The following SCN1A variants were observed in gnomAD, a reference collection of about 807,000 sequenced individuals.
SCN1A encodes the protein sodium voltage-gated channel alpha subunit 1.
SCN1A carries 13 observed loss-of-function variants against 193.7 expected under a neutral mutation model. That is an observed-to-expected ratio of 0.07 (90% confidence interval 0.04 to 0.11). The LOEUF (loss-of-function observed/expected upper bound fraction) is 0.11. SCN1A is among the 10% of genes least tolerant of loss of function. SCN1A has a pLI of 1.00. For synonymous variants in SCN1A, 781 were observed against 843.6 expected, an observed-to-expected ratio of 0.93 and a Z score of 1.29; for missense variants, 1,432 against 2,451.1, an observed-to-expected ratio of 0.58 and a Z score of 8.78.
intron 23 of SCN1A, among the ~76,000 whole-genome samples, chr2:166,003,295 G>T (rs747326505): frequency 1.3e-5 from 2 of 151,360 alleles, no homozygotes; most frequent in Non-Finnish European, 3.0e-5. Context: ...AATAATTTTT[G>T]CATAAGAAGC....
intron 19 of SCN1A, among the ~76,000 whole-genome samples, chr2:166,028,384 T>C (rs944708228): frequency 1.3e-5 from 2 of 152,170 alleles, no homozygotes; most frequent in South Asian, 2.1e-4. Context: ...GCTTCTATAA[T>C]GTTATTTTGA....
intron 2 of SCN1A, among the ~76,000 whole-genome samples, chr2:166,097,020 T>C (rs1421951053): frequency 1.3e-5 from 2 of 151,546 alleles, no homozygotes; most frequent in African/African-American, 4.9e-5. Flanking sequence ...GTTTTTTTTG[T>C]TTTTGTTTTT....
chr2:166,128,847 A>G (rs1691509688), upstream of SCN1A, among the ~76,000 whole-genome samples: 1 of 152,136 alleles, frequency 6.6e-6, no homozygotes, highest in South Asian at 2.1e-4. Flanking sequence ...TTCTAAGACA[A>G]TAAAAATCCA....
At chr2:166,105,970 G>A (rs1218282809) in intron 2 of SCN1A, among the ~76,000 whole-genome samples, 1 of 152,140 alleles carries the variant, frequency 6.6e-6, no homozygotes, top group Non-Finnish European at 1.5e-5. Flanking sequence ...GGTGGATCAC[G>A]AGGTCAGGAG....
At chr2:166,093,882 A>G (rs1346075531) in intron 2 of SCN1A, among the ~76,000 whole-genome samples, 1 of 152,226 alleles carries the variant, frequency 6.6e-6, no homozygotes, top group African/African-American at 2.4e-5. Flanking sequence ...ATCCGGGTCT[A>G]ATCTTTCACA....
chr2:166,051,831 A>T lies in SCN1A; in HGVS notation c.852T>A (p.Asn284Lys). The change falls in exon 9 of 29, where the codon AAT becomes AAA. Residue 284 changes from asparagine to lysine, a missense_variant. Coordinates refer to ENST00000674923, the MANE Select transcript of SCN1A (RefSeq NM_001165963.4). ...CTATACTATGTTCCTCCAAGGAAGC[A>T]TTGGTGGGAGGCCATTGTATACATT... ...RNKCIQWPPT[N>K]ASLEEHSIEK... The T allele has an allele frequency of 6.2e-7, 1 of 1,612,634 alleles. No homozygotes were observed. Among genetic ancestry groups the T allele is most frequent in the Non-Finnish European group, 8.5e-7 (1 of 1,179,032 alleles).
chr2:166,004,535 C>T (rs1274423495), intron 23 of SCN1A, among the ~76,000 whole-genome samples: 1 of 151,444 alleles, frequency 6.6e-6, no homozygotes, highest in African/African-American at 2.4e-5. Flanking sequence ...TGTCTCCTAA[C>T]CTTCTCCTTC....
In SCN1A at chr2:166,007,350, C is replaced by T. The variant is rs1301471570; in HGVS notation, c.4002+2369G>A. ...TAGTTAGAAATCTGATATGACAGAA[C>T]ATTTGGTGTTACTTTTTGTTCATGA... On this transcript the variant is annotated intron_variant, in intron 23 of 28. Transcript: ENST00000674923. The T allele has an allele frequency of 6.6e-6, 1 of 151,196 alleles. No individual in the cohort carries two copies. The highest frequency in any genetic ancestry group is 1.5e-5 in the Non-Finnish European group (1 of 67,474). The allele number at this position is 151,196 out of a possible 1,614,324, so 9.4% of individuals were successfully genotyped here.
intron 3 of SCN1A, among the ~76,000 whole-genome samples, chr2:166,074,973 A>G (rs1390859884): frequency 6.6e-6 from 1 of 152,196 alleles, no homozygotes; most frequent in African/African-American, 2.4e-5. Flanking sequence ...AGCGGTTCTT[A>G]GAACTTAACC....
chr2:166,071,173 C>G (rs571582303), intron 4 of SCN1A, among the ~76,000 whole-genome samples: 2 of 152,120 alleles, frequency 1.3e-5, no homozygotes, highest in East Asian at 3.9e-4. Context: ...TCATTTTAAA[C>G]GAATTAAAAT....
chr2:166,131,488 T>G (rs1244017041), upstream of SCN1A, among the ~76,000 whole-genome samples: 1 of 152,100 alleles, frequency 6.6e-6, no homozygotes, highest in Non-Finnish European at 1.5e-5. Flanking sequence ...AATATTATAA[T>G]GGGACATAAT....
chr2:166,135,264 T>A (rs906480510), intron 1 of SCN1A, among the ~76,000 whole-genome samples: 9 of 152,348 alleles, frequency 5.9e-5, no homozygotes, highest in Admixed American at 3.3e-4. Context: ...CAATTAGATT[T>A]TTTTAATAAA....
intron 24 of SCN1A, among the ~76,000 whole-genome samples, chr2:166,000,936 G>A (rs1297473281): frequency 6.9e-6 from 1 of 144,856 alleles, no homozygotes; most frequent in Non-Finnish European, 1.5e-5. Context: ...TAATAGCTTT[G>A]TGCAGGACCA....
At chr2:166,136,307 C>T (rs1166859754) in intron 1 of SCN1A, among the ~76,000 whole-genome samples, 2 of 152,146 alleles carry the variant, frequency 1.3e-5, no homozygotes, top group Non-Finnish European at 1.5e-5. Context: ...ATTCTTTCTG[C>T]AACTAAGCAA....
chr2:166,086,100 C>G (rs1431413507), intron 2 of SCN1A, among the ~76,000 whole-genome samples: 1 of 152,030 alleles, frequency 6.6e-6, no homozygotes, highest in Non-Finnish European at 1.5e-5. Flanking sequence ...CAAAAGGATC[C>G]CAGAGTAACC....
intron 2 of SCN1A, among the ~76,000 whole-genome samples, chr2:166,085,292 A>G (rs1685990020): frequency 6.6e-6 from 1 of 152,204 alleles, no homozygotes; most frequent in African/African-American, 2.4e-5. Context: ...TTTATGTTTT[A>G]AGACTTTCAC....
At chr2:166,138,773 C>T (rs149040372) in intron 1 of SCN1A, among the ~76,000 whole-genome samples, 1,846 of 152,214 alleles carry the variant, frequency 0.012, 24 homozygotes, top group Middle Eastern at 0.02. Flanking sequence ...ATCCTCCAGA[C>T]CCCAGAATGG....
chr2:166,124,612 G>C (rs2106264463), intron 2 of SCN1A, among the ~76,000 whole-genome samples: 1 of 152,258 alleles, frequency 6.6e-6, no homozygotes, highest in South Asian at 2.1e-4. Context: ...AAACCAAACT[G>C]TTTTTGGAAT....
In SCN1A at chr2:166,084,842, G is replaced by A. The variant is rs1395232695; in HGVS notation, c.-141-7041C>T. ...TTGGAAGTCTGAGGTAAGAAATCTG[G>A]CTGGAAGTGGCCAACCTGGAAATTT... On this transcript the variant is annotated intron_variant, in intron 2 of 28. Coordinates refer to ENST00000674923, the MANE Select transcript of SCN1A (RefSeq NM_001165963.4). Among the ~76,000 whole-genome samples, 7 of 152,112 alleles carry A rather than the reference G, an allele frequency of 4.6e-5. 1 individual carries two copies. Among genetic ancestry groups the A allele is most frequent in the Admixed American group, 3.9e-4 (6 of 15,260 alleles).
Sources: allele counts gnomAD v4.1 joint callset (sites outside exome capture counted in the v4.1 genomes callset), GRCh38; gene constraint gnomAD v4.1.1; transcripts MANE v1.5; gene names NCBI Gene and HGNC (gene_info 2026-07-23, HGNC 2026-07-21).